Variants in RBFOX1 observed in about 807,000 individuals in gnomAD.
The protein encoded by RBFOX1 is RNA binding fox-1 homolog 1.
In RBFOX1, 8 loss-of-function variants were observed where a neutral mutation model predicts 57.7. The observed-to-expected ratio is 0.14, with a 90% confidence interval of 0.08 to 0.25. The LOEUF (loss-of-function observed/expected upper bound fraction) is 0.25. Ranked by LOEUF, RBFOX1 falls within the 10% of genes least tolerant of loss-of-function variation. RBFOX1 has a pLI of 1.00. For missense variants in RBFOX1, 611 were observed against 548.5 expected, an observed-to-expected ratio of 1.11 and a Z score of -1.14; for synonymous variants, 326 against 222.4, an observed-to-expected ratio of 1.47 and a Z score of -4.15.
chr16:5,932,819 C>T (rs2152250933), intron 4 of RBFOX1, among the ~76,000 whole-genome samples: 1 of 152,176 alleles, frequency 6.6e-6, no homozygotes, highest in South Asian at 2.1e-4. Flanking sequence ...CTTGGTTCTC[C>T]CTGCTCTTTG....
intron 1 of RBFOX1, among the ~76,000 whole-genome samples, chr16:5,445,617 C>G (rs1372207156): frequency 2.6e-5 from 4 of 152,220 alleles, no homozygotes; most frequent in Non-Finnish European, 5.9e-5. Context: ...TCCCCATGAG[C>G]TACGCTATAC....
chr16:7,642,079 C>T (rs938964230), intron 11 of RBFOX1, among the ~76,000 whole-genome samples: 1 of 152,170 alleles, frequency 6.6e-6, no homozygotes, highest in African/African-American at 2.4e-5. Flanking sequence ...CACGCCACTG[C>T]ACTCTAGCCT....
rs141780058 is a variant in RBFOX1 at position 7,500,108 on chromosome 16, T to A, written c.28-18039T>A. 2.1e-3 allele frequency among the ~76,000 whole-genome samples: 316 copies of A among 152,212 alleles called. 2 individuals carry two copies. The highest frequency in any genetic ancestry group is 7.2e-3 in the African/African-American group (300 of 41,530). On this transcript the variant is annotated intron_variant, in intron 4 of 15. Coordinates refer to ENST00000550418, the MANE Select transcript of RBFOX1 (RefSeq NM_018723.4). ...CAATCAGGCAGACGTCCTTAAAAGA[T>A]CACACATTCTTAGCTACGGAAGAAT...
chr16:6,225,779 G>A (rs1567718373), intron 1 of RBFOX1, among the ~76,000 whole-genome samples: 2 of 152,178 alleles, frequency 1.3e-5, no homozygotes. Context: ...ATGTCAGAAA[G>A]CAAAAGTTCC....
At chr16:5,525,178 G>A (rs2044189949) in intron 2 of RBFOX1, among the ~76,000 whole-genome samples, 1 of 152,128 alleles carries the variant, frequency 6.6e-6, no homozygotes, top group Admixed American at 6.5e-5. Flanking sequence ...GGCTTGTCAG[G>A]GACAGCTGTC....
intron 3 of RBFOX1, among the ~76,000 whole-genome samples, chr16:6,941,329 TC>T (rs2078465126): frequency 1.4e-5 from 2 of 138,218 alleles, no homozygotes; most frequent in Non-Finnish European, 3.1e-5. Context: ...CTTCCTTCCT[TC>T]CTTCCTTCCT....
At chr16:6,382,038 A>C (rs1229949921) in intron 2 of RBFOX1, among the ~76,000 whole-genome samples, 1 of 152,186 alleles carries the variant, frequency 6.6e-6, no homozygotes, top group Admixed American at 6.5e-5. Context: ...GTTGCTATTC[A>C]ACTGCCTTTG....
chr16:6,450,797 ATATG>A (rs1380458442), intron 2 of RBFOX1, among the ~76,000 whole-genome samples: 4 of 16,004 alleles, frequency 2.5e-4, no homozygotes, highest in Admixed American at 2.5e-3. Flanking sequence ...ATACATATAT[ATATG>A]TATATATATA....
At position 6,844,343 on chromosome 16, in the gene RBFOX1, C is replaced by T. The variant is rs1005791674; in HGVS notation, c.-16+189693C>T. On this transcript the variant is annotated intron_variant, in intron 3 of 15. Transcript: ENST00000550418. ...TGTTCATTAGGTATTCTTTCTGATG[C>T]TCTCTTTCCTTCCCCTCAGCAGATC... 3.3e-5 allele frequency among the ~76,000 whole-genome samples: 5 copies of T among 152,060 alleles called. No individual in the cohort carries two copies. The South Asian group carries it at 8.3e-4, about 25-fold the overall frequency.
chr16:6,081,213 T>C (rs867669334), intron 1 of RBFOX1, among the ~76,000 whole-genome samples: 8 of 152,190 alleles, frequency 5.3e-5, no homozygotes, highest in Admixed American at 6.5e-5. Context: ...TGAAACAAAA[T>C]GAGAGTTTAA....
chr16:6,880,078 C>T (rs2062621648), intron 3 of RBFOX1, among the ~76,000 whole-genome samples: 1 of 152,138 alleles, frequency 6.6e-6, no homozygotes, highest in Admixed American at 6.6e-5. Context: ...CTCCTTTCTC[C>T]TTAGGGATGT....
chr16:6,742,085 T>G (rs1410772759), intron 3 of RBFOX1, among the ~76,000 whole-genome samples: 1 of 152,180 alleles, frequency 6.6e-6, no homozygotes, highest in African/African-American at 2.4e-5. Flanking sequence ...CAAAACATCA[T>G]GTTGTACGTG....
intron 3 of RBFOX1, among the ~76,000 whole-genome samples, chr16:5,855,459 A>G (rs910713157): frequency 3.9e-5 from 6 of 152,156 alleles, no homozygotes; most frequent in South Asian, 4.1e-4. Flanking sequence ...AGTTTTCCCC[A>G]TACCATTTAT....
At chr16:7,075,376 G>C (rs530653902) in intron 4 of RBFOX1, among the ~76,000 whole-genome samples, 10 of 152,330 alleles carry the variant, frequency 6.6e-5, no homozygotes, top group Non-Finnish European at 1.2e-4. Flanking sequence ...AAAACTTTCA[G>C]TTGCTGTGTT....
intron 2 of RBFOX1, among the ~76,000 whole-genome samples, chr16:6,640,021 AC>A (rs1440765789): frequency 6.6e-6 from 1 of 152,290 alleles, no homozygotes; most frequent in East Asian, 1.9e-4. Flanking sequence ...AGAGCTTTTA[AC>A]CCCATTTTCT....
intron 4 of RBFOX1, among the ~76,000 whole-genome samples, chr16:7,347,523 C>T (rs1195387931): frequency 2.6e-5 from 4 of 152,098 alleles, no homozygotes; most frequent in Admixed American, 2.6e-4. Context: ...AGATACAATT[C>T]AAGATGAGAC....
At chr16:6,411,206 C>A (rs1441639656) in intron 2 of RBFOX1, among the ~76,000 whole-genome samples, 1 of 152,102 alleles carries the variant, frequency 6.6e-6, no homozygotes, top group Admixed American at 6.6e-5. Flanking sequence ...TGGTCTTGAA[C>A]CCCTGGGGCA....
At chr16:6,727,828 G>C (rs978020135) in intron 3 of RBFOX1, among the ~76,000 whole-genome samples, 16 of 152,082 alleles carry the variant, frequency 1.1e-4, no homozygotes, top group Non-Finnish European at 1.8e-4. Flanking sequence ...ATTTGACTTT[G>C]TTTCTCTGTT....
chr16:5,847,871 C>T (rs189856016), intron 3 of RBFOX1, among the ~76,000 whole-genome samples: 2 of 151,860 alleles, frequency 1.3e-5, no homozygotes, highest in Non-Finnish European at 2.9e-5. Context: ...CTATGTTAGT[C>T]ATTAGCATTG....
Sources: gnomAD v4.1 joint callset for allele counts (sites outside exome capture counted in the v4.1 genomes callset) on GRCh38, gnomAD v4.1.1 for gene constraint, MANE v1.5 for transcripts, NCBI Gene and HGNC (gene_info 2026-07-23, HGNC 2026-07-21) for gene names.